Variants in PCDHGA2 observed in about 807,000 individuals in gnomAD.
PCDHGA2 encodes the protein protocadherin gamma-A2.
PCDHGA2 carries 40 observed loss-of-function variants against 59.2 expected under a neutral mutation model. The observed-to-expected ratio is 0.68, with a 90% CI of 0.52 to 0.88. The LOEUF is 0.88. PCDHGA2 is among the 40% of genes least tolerant of loss of function. The pLI is 0.00. For synonymous variants in PCDHGA2, 560 were observed against 526.0 expected (o/e 1.06, Z -0.89); for missense variants, 1,226 against 1,204.0 (o/e 1.02, Z -0.27).
chr5:141,487,006 G>A lies in PCDHGA2; in HGVS notation c.2425-7801G>A. ...ATGCTTGGGTTTCCTATCAGCTCCT[G>A]GAGGCCCCAGATCCCAGCCTGTTTG... On this transcript the variant is annotated intron_variant, in intron 1 of 3. Transcript: ENST00000394576. This position sits in a 1 kb window ranked among gnomAD's most constrained non-coding sequence, Gnocchi z 5.0. 1 of 1,614,206 alleles carries A rather than the reference G, an allele frequency of 6.2e-7. No homozygotes were observed. The highest frequency in any genetic ancestry group is 8.5e-7 in the Non-Finnish European group (1 of 1,180,042).
chr5:141,364,639 G>A, intron 1 of PCDHGA2: 1 of 1,614,116 alleles, frequency 6.2e-7, no homozygotes. Flanking sequence ...CACTGTGTGT[G>A]GTGAACTTTA....
At chr5:141,359,215 T>C (rs758756538) in intron 1 of PCDHGA2, among the ~76,000 whole-genome samples, 3 of 152,162 alleles carry the variant, frequency 2.0e-5, no homozygotes, top group Non-Finnish European at 4.4e-5. Flanking sequence ...AGAGACAACT[T>C]ACATCTGAGG....
intron 2 of PCDHGA2, among the ~76,000 whole-genome samples, chr5:141,503,085 C>T (rs1284066265): frequency 6.6e-6 from 1 of 152,044 alleles, no homozygotes; most frequent in Non-Finnish European, 1.5e-5. Context: ...GATCTCCTGA[C>T]CTCGTGGTCT....
At chr5:141,510,906 C>G in intron 3 of PCDHGA2, 41 bp from the exon 4 acceptor site, 1 of 1,613,582 alleles carries the variant, frequency 6.2e-7, no homozygotes, top group Non-Finnish European at 8.5e-7. Context: ...TGTTGAGGAC[C>G]CTAAGTTTAG....
rs528069305 is a variant in PCDHGA2, at chr5:141,457,143, T to A, written c.2425-37664T>A. Among the ~76,000 whole-genome samples the A allele has an allele frequency of 5.3e-5, 8 of 152,334 alleles. No homozygotes were observed. In the South Asian group the frequency reaches 1.5e-3, roughly 28 times the overall value. On this transcript the variant is annotated intron_variant, in intron 1 of 3. Transcript: ENST00000394576. ...ATGGAAACTCTGTCCAATATTTCAG[T>A]TAGAAGGTGCTACCATGGATAACCC...
intron 1 of PCDHGA2, chr5:141,392,738 T>C (rs2150490352): frequency 4.2e-6 from 6 of 1,433,676 alleles, no homozygotes; most frequent in Non-Finnish European, 5.5e-6. Flanking sequence ...GTCATCTCCA[T>C]AGCTGCGGCA....
intron 1 of PCDHGA2, among the ~76,000 whole-genome samples, chr5:141,454,701 C>G (rs1182969868): frequency 6.6e-6 from 1 of 151,760 alleles, no homozygotes; most frequent in Non-Finnish European, 1.5e-5. Context: ...CCACCATGCT[C>G]CACCTGCTTA....
Position 141,351,827 on chromosome 5 carries a change from G to T in PCDHGA2, c.2424+10432G>T, listed in dbSNP as rs191017713. 84 of 1,613,198 alleles carry T rather than the reference G, an allele frequency of 5.2e-5. No homozygotes were observed. In the East Asian group the frequency reaches 5.8e-4, roughly 11 times the overall value. The stretch of plus-strand genomic sequence containing the variant: ...CGCCTTCGACCACGAGCAGCTGCGC[G>T]CCTTCGAGCTCACACTGCAGGCCAG... On this transcript the variant is annotated intron_variant, in intron 1 of 3. Coordinates refer to ENST00000394576, the MANE Select transcript of PCDHGA2 (RefSeq NM_018915.4).
At chr5:141,371,390 A>G in intron 1 of PCDHGA2, 1 of 1,614,000 alleles carries the variant, frequency 6.2e-7, no homozygotes, top group East Asian at 2.2e-5. Flanking sequence ...CATATTGTAA[A>G]GTACAGATAG....
At chr5:141,398,740 C>G in intron 1 of PCDHGA2, 2 of 1,613,864 alleles carry the variant, frequency 1.2e-6, no homozygotes, top group Non-Finnish European at 1.7e-6. Context: ...CCGGGAACAA[C>G]AGAGTTACCA....
chr5:141,501,530 G>T (rs556760554), intron 2 of PCDHGA2, among the ~76,000 whole-genome samples: 1 of 151,998 alleles, frequency 6.6e-6, no homozygotes, highest in East Asian at 1.9e-4. Flanking sequence ...AGCCCAGTAC[G>T]TTGTTGTGCA....
chr5:141,403,863 C>CA (rs1449407003), intron 1 of PCDHGA2: 1 of 1,613,374 alleles, frequency 6.2e-7, no homozygotes, highest in Non-Finnish European at 8.5e-7. Flanking sequence ...ATATCAACAG[C>CA]AAAAAGTCTA....
intron 1 of PCDHGA2, among the ~76,000 whole-genome samples, chr5:141,456,729 C>T (rs1337183677): frequency 6.6e-6 from 1 of 152,158 alleles, no homozygotes; most frequent in Non-Finnish European, 1.5e-5. Context: ...CTTTGGGAGG[C>T]TGAGGCGGGA....
At chr5:141,475,988 A>C (rs1197163866) in intron 1 of PCDHGA2, 29 of 1,114,786 alleles carry the variant, frequency 2.6e-5, no homozygotes, top group Non-Finnish European at 3.2e-5. Context: ...GCCGGCGAGC[A>C]AATCAACGGC....
intron 1 of PCDHGA2, among the ~76,000 whole-genome samples, chr5:141,354,829 C>G (rs1208052718): frequency 1.3e-5 from 2 of 151,828 alleles, no homozygotes; most frequent in African/African-American, 4.9e-5. Flanking sequence ...TACAGGAAGA[C>G]TTGGATCATT....
chr5:141,425,242 G>A (rs2096863400), intron 1 of PCDHGA2, among the ~76,000 whole-genome samples: 1 of 152,128 alleles, frequency 6.6e-6, no homozygotes, highest in South Asian at 2.1e-4. Context: ...TAAATAAAAA[G>A]GATATGAGGT....
chr5:141,341,213 G>T lies in PCDHGA2; in HGVS notation c.2242G>T (p.Ala748Ser). Residue 748 changes from alanine to serine, a missense_variant, in exon 1 of 4, where the codon GCT becomes TCT. Ala to Ser is a moderately conservative substitution (Grantham distance 99). Transcript: ENST00000394576. The stretch of plus-strand genomic sequence containing the variant: ...CTTTGTGGGCGTGGACGGGGTTCGG[G>T]CTTTCCTGCAGACCTATTCCCACGA... ...SHFVGVDGVR[A>S]FLQTYSHEVS... 2 of 1,614,226 alleles carry T rather than the reference G, an allele frequency of 1.2e-6. No individual in the cohort carries two copies. Among genetic ancestry groups the T allele is most frequent in the Admixed American group, 3.3e-5 (2 of 60,026 alleles).
chr5:141,470,986 G>T (rs1215610104), intron 1 of PCDHGA2, among the ~76,000 whole-genome samples: 1 of 151,540 alleles, frequency 6.6e-6, no homozygotes, highest in Non-Finnish European at 1.5e-5. Flanking sequence ...CAAAGTGCTG[G>T]GACTACAGGC....
At chr5:141,458,438 CCCA>C (rs1221646653) in intron 1 of PCDHGA2, among the ~76,000 whole-genome samples, 3 of 152,024 alleles carry the variant, frequency 2.0e-5, no homozygotes, top group African/African-American at 7.2e-5. Context: ...GAGGAGGTCC[CCCA>C]CATTAACAAT....
Sources: allele counts gnomAD v4.1 joint callset (sites outside exome capture counted in the v4.1 genomes callset), GRCh38; gene constraint gnomAD v4.1.1; non-coding constraint Gnocchi (gnomAD v3.1); transcripts MANE v1.5; gene names NCBI Gene and HGNC (gene_info 2026-07-23, HGNC 2026-07-21).